Variants in SLC36A1 observed in about 807,000 individuals in gnomAD.
The protein encoded by SLC36A1 is proton-coupled amino acid transporter 1.
A neutral mutation model predicts 47.5 loss-of-function variants in SLC36A1; 30 were observed. The ratio of observed to expected loss-of-function variants is 0.63; its 90% CI spans 0.47 to 0.86. The LOEUF (loss-of-function observed/expected upper bound fraction) is 0.86, where lower values mean the gene tolerates loss of function less well. SLC36A1 is among the 40% of genes least tolerant of loss of function. SLC36A1 has a pLI of 0.00. For missense variants in SLC36A1, 517 were observed against 606.0 expected (o/e 0.85, Z 1.54); for synonymous variants, 255 against 249.7 (o/e 1.02, Z -0.20).
chr5:151,465,215 G>C (rs746028229), intron 5 of SLC36A1, 46 bp downstream of exon 5: 4 of 1,463,974 alleles, frequency 2.7e-6, no homozygotes, highest in Non-Finnish European at 3.8e-6. Context: ...CCCAGTGTGA[G>C]GCCTTCAGAT....
the SLC36A1 span, among the ~76,000 whole-genome samples, chr5:151,532,959 T>C: frequency 2.8e-3 from 425 of 152,328 alleles, 1 homozygote; most frequent in African/African-American, 9.6e-3. Context: ...TTGGCACTTA[T>C]ATGAAGAAAC....
chr5:151,423,078 A>G, the SLC36A1 span, among the ~76,000 whole-genome samples: 1 of 152,222 alleles, frequency 6.6e-6, no homozygotes, highest in African/African-American at 2.4e-5. Context: ...CCATACTACA[A>G]TGAGCTACCA....
chr5:151,474,302 G>T (rs567324618), intron 8 of SLC36A1, among the ~76,000 whole-genome samples: 21 of 151,902 alleles, frequency 1.4e-4, no homozygotes, highest in Non-Finnish European at 2.5e-4. Context: ...TACATTCAAG[G>T]CCCCTTCACT....
intron 10 of SLC36A1, among the ~76,000 whole-genome samples, chr5:151,483,417 C>A (rs1034296546): frequency 1.3e-5 from 2 of 151,118 alleles, no homozygotes; most frequent in Non-Finnish European, 2.9e-5. Flanking sequence ...TCTGTCCCCC[C>A]TTTTGTACAC....
At chr5:151,401,499 G>A in the SLC36A1 span, among the ~76,000 whole-genome samples, 1 of 152,102 alleles carries the variant, frequency 6.6e-6, no homozygotes, top group East Asian at 1.9e-4. Flanking sequence ...GATTGCTTTG[G>A]CTACTTGGGC....
At chr5:151,389,080 T>TA in the SLC36A1 span, among the ~76,000 whole-genome samples, 1 of 152,184 alleles carries the variant, frequency 6.6e-6, no homozygotes, top group Non-Finnish European at 1.5e-5. Context: ...AGGAAAGAGT[T>TA]ACAAACTTGA....
intron 1 of SLC36A1, among the ~76,000 whole-genome samples, chr5:151,440,641 A>G (rs1752572700): frequency 6.6e-6 from 1 of 152,112 alleles, no homozygotes; most frequent in African/African-American, 2.4e-5. Flanking sequence ...AATTTCCCTA[A>G]TATCTCTCAG....
the SLC36A1 span, among the ~76,000 whole-genome samples, chr5:151,354,667 G>A: frequency 6.6e-6 from 1 of 152,102 alleles, no homozygotes; most frequent in Non-Finnish European, 1.5e-5. Context: ...GCTTTGGTAG[G>A]GGGACAGAAA....
At chr5:151,495,604 C>T (rs757646984), downstream of SLC36A1, among the ~76,000 whole-genome samples, 8 of 152,136 alleles carry the variant, frequency 5.3e-5, no homozygotes, top group Non-Finnish European at 1.2e-4. Flanking sequence ...CCACCACAAT[C>T]TAGATGCCTA....
intron 8 of SLC36A1, among the ~76,000 whole-genome samples, chr5:151,474,898 C>A (rs564003775): frequency 6.6e-6 from 1 of 152,362 alleles, no homozygotes; most frequent in South Asian, 2.1e-4. Context: ...TTCCGAGACA[C>A]CTTATTTGCT....
the SLC36A1 span, among the ~76,000 whole-genome samples, chr5:151,520,187 G>A: frequency 6.6e-6 from 1 of 152,224 alleles, no homozygotes; most frequent in Admixed American, 6.5e-5. Flanking sequence ...ACCCATAAAG[G>A]GCAGGTCAGG....
chr5:151,347,438 T>G, the SLC36A1 span: 35 of 1,614,110 alleles, frequency 2.2e-5, no homozygotes, highest in Non-Finnish European at 3.0e-5. Flanking sequence ...CTGGGGACCC[T>G]CAGTACTTTT....
the SLC36A1 span, chr5:151,538,043 G>A: frequency 9.3e-7 from 1 of 1,079,312 alleles, no homozygotes; most frequent in East Asian, 2.4e-5. Context: ...GAAGCAGAAA[G>A]AGAGACACTA....
At chr5:151,361,029 C>T in the SLC36A1 span, among the ~76,000 whole-genome samples, 16 of 152,252 alleles carry the variant, frequency 1.1e-4, no homozygotes, top group African/African-American at 3.9e-4. Flanking sequence ...TGGTTTTGGC[C>T]ATTAAAGTAA....
At chr5:151,509,929 C>G in the SLC36A1 span, 1 of 1,445,588 alleles carries the variant, frequency 6.9e-7, no homozygotes, top group Non-Finnish European at 9.5e-7. Context: ...GCAGCACTCT[C>G]CCCTGGCCTC....
chr5:151,542,960 T>A, the SLC36A1 span: 1 of 1,614,234 alleles, frequency 6.2e-7, no homozygotes, highest in Admixed American at 1.7e-5. Context: ...AGACTGTAGA[T>A]GACTGGATCT....
the SLC36A1 span, among the ~76,000 whole-genome samples, chr5:151,399,320 C>G: frequency 6.6e-6 from 1 of 151,912 alleles, no homozygotes; most frequent in Admixed American, 6.6e-5. Flanking sequence ...TTCCTGACCT[C>G]AGGTGATCTG....
At chr5:151,441,828 A>ATT (rs1752649838) in intron 1 of SLC36A1, among the ~76,000 whole-genome samples, 4 of 152,196 alleles carry the variant, frequency 2.6e-5, no homozygotes, top group African/African-American at 9.6e-5. Context: ...GTAACTTGAT[A>ATT]AGTTTCAACA....
chr5:151,458,546 G>A (rs1755028699), intron 1 of SLC36A1, among the ~76,000 whole-genome samples: 1 of 151,996 alleles, frequency 6.6e-6, no homozygotes, highest in Non-Finnish European at 1.5e-5. Context: ...AAATTTATGA[G>A]TGTAGCACCA....
Sources: allele counts gnomAD v4.1 joint callset (sites outside exome capture counted in the v4.1 genomes callset), GRCh38; gene constraint gnomAD v4.1.1; transcripts MANE v1.5; gene names NCBI Gene and HGNC (gene_info 2026-07-23, HGNC 2026-07-21).